The following ESRP1 variants were observed in gnomAD, a reference collection of about 807,000 sequenced individuals.
ESRP1 encodes epithelial splicing regulatory protein 1.
ESRP1 carries 33 observed loss-of-function variants against 81.7 expected under a neutral mutation model. The ratio of observed to expected loss-of-function variants is 0.40; its 90% CI spans 0.31 to 0.54. ESRP1 has a LOEUF of 0.54. ESRP1 is among the 20% of genes least tolerant of loss of function. The probability of loss-of-function intolerance (pLI) is 0.41; values close to 1 mark genes in which losing one functional copy is unlikely to be tolerated. For missense variants in ESRP1, 672 were observed against 833.1 expected, an observed-to-expected ratio of 0.81 and a Z score of 2.38; for synonymous variants, 320 against 303.3, an observed-to-expected ratio of 1.06 and a Z score of -0.57.
At chr8:94,643,446 G>C in intron 3 of ESRP1, 30 bp downstream of exon 3, 2 of 1,511,024 alleles carry the variant, frequency 1.3e-6, no homozygotes. Context: ...GGAAAAAAAT[G>C]GTTGGAGCTT....
At chr8:94,697,001 A>G in intron 15 of ESRP1, 40 bp downstream of exon 15, 2 of 1,360,792 alleles carry the variant, frequency 1.5e-6, no homozygotes, top group Middle Eastern at 1.8e-4. Flanking sequence ...ATAAAGGGCC[A>G]AACAGAGATC....
At chr8:94,691,918 G>A (rs1809417060) in intron 13 of ESRP1, among the ~76,000 whole-genome samples, 1 of 152,028 alleles carries the variant, frequency 6.6e-6, no homozygotes, top group African/African-American at 2.4e-5. Context: ...CACCAATTGA[G>A]GTAGAAAACA....
At chr8:94,655,830 G>T (rs1818381595) in intron 4 of ESRP1, 1 of 152,184 alleles carries the variant, frequency 6.6e-6, no homozygotes, top group Admixed American at 6.5e-5. Flanking sequence ...AGCGGAGGTT[G>T]CAGTAAGCCG....
At chr8:94,694,839 C>T (rs1196699464) in intron 14 of ESRP1, among the ~76,000 whole-genome samples, 2 of 152,172 alleles carry the variant, frequency 1.3e-5, no homozygotes, top group East Asian at 3.8e-4. Context: ...CATCTCAAGG[C>T]ATTTGGCCTT....
intron 1 of ESRP1, 90 bp from the exon 2 acceptor site, chr8:94,641,866 G>T (rs1004058203): frequency 6.1e-5 from 95 of 1,550,316 alleles, no homozygotes; most frequent in Non-Finnish European, 7.8e-5. Flanking sequence ...AGAGAGGCGC[G>T]GGCCGCCCCA....
chr8:94,681,172 A>G (rs1808861541), intron 13 of ESRP1, among the ~76,000 whole-genome samples: 1 of 151,716 alleles, frequency 6.6e-6, no homozygotes, highest in African/African-American at 2.4e-5. Flanking sequence ...AAAAAATACA[A>G]AAAATTAGCC....
intron 2 of ESRP1, among the ~76,000 whole-genome samples, 191 bp downstream of exon 2, chr8:94,642,275 C>T (rs1817641191): frequency 6.6e-6 from 1 of 152,382 alleles, no homozygotes; most frequent in African/African-American, 2.4e-5. Flanking sequence ...TCTTCATCTC[C>T]CAGCCCCCAG....
At chr8:94,658,787 G>C (rs1347315226) in intron 4 of ESRP1, among the ~76,000 whole-genome samples, 7 of 152,124 alleles carry the variant, frequency 4.6e-5, no homozygotes, top group African/African-American at 1.4e-4. Flanking sequence ...GTCAATAACC[G>C]TTTGCTATAA....
Position 94,653,996 on chromosome 8 carries a change from A to T in ESRP1, c.490+7714A>T, listed in dbSNP as rs151182253. Among the ~76,000 whole-genome samples, 89 of 152,266 alleles carry T rather than the reference A, an allele frequency of 5.8e-4. 1 individual carries two copies. The highest frequency in any genetic ancestry group is 5.0e-4 in the Non-Finnish European group (34 of 68,018). Reference sequence around the variant, plus strand: ...ATATTCCTTGCCAGCCCTCAGACTGATGTTAATTACGTGTGGTTTGTTTTA... The same window carrying T: ...ATATTCCTTGCCAGCCCTCAGACTGTTGTTAATTACGTGTGGTTTGTTTTA... On this transcript the variant is annotated intron_variant, in intron 4 of 15. Coordinates refer to ENST00000433389, the MANE Select transcript of ESRP1 (RefSeq NM_017697.4).
chr8:94,657,425 A>G (rs912017537), intron 4 of ESRP1, among the ~76,000 whole-genome samples: 2 of 151,902 alleles, frequency 1.3e-5, no homozygotes, highest in Non-Finnish European at 2.9e-5. Flanking sequence ...GTTTTCAGTG[A>G]TGCTAAGGAT....
chr8:94,647,320 A>G (rs1469184796), intron 4 of ESRP1, among the ~76,000 whole-genome samples: 1 of 152,246 alleles, frequency 6.6e-6, no homozygotes, highest in Non-Finnish European at 1.5e-5. Flanking sequence ...GAATTTTGTT[A>G]AAAAGGTTAG....
chr8:94,673,736 C>G (rs1487761716), intron 11 of ESRP1, among the ~76,000 whole-genome samples: 1 of 152,170 alleles, frequency 6.6e-6, no homozygotes, highest in Non-Finnish European at 1.5e-5. Flanking sequence ...ATACAGCTCT[C>G]ACAAATCATC....
At chr8:94,697,778 A>G (rs552541904) in intron 15 of ESRP1, among the ~76,000 whole-genome samples, 2 of 151,616 alleles carry the variant, frequency 1.3e-5, no homozygotes, top group South Asian at 4.2e-4. Flanking sequence ...TTCTTCTTTT[A>G]TGTTTTATTT....
At chr8:94,651,936 T>C (rs1039022535) in intron 4 of ESRP1, among the ~76,000 whole-genome samples, 14 of 151,822 alleles carry the variant, frequency 9.2e-5, no homozygotes, top group African/African-American at 3.1e-4. Flanking sequence ...TTCTGGTTCT[T>C]ATTTTTGGCA....
intron 12 of ESRP1, among the ~76,000 whole-genome samples, chr8:94,676,926 G>A (rs1312210334): frequency 1.3e-5 from 2 of 151,976 alleles, no homozygotes; most frequent in Non-Finnish European, 2.9e-5. Flanking sequence ...GCCAAGGCGG[G>A]CAGATCACCC....
At position 94,705,934 on chromosome 8, in the gene ESRP1, G is replaced by C. The variant is rs528498925; in HGVS notation, c.*45G>C. 3.6e-5 allele frequency: 52 copies of C among 1,456,290 alleles called. No individual in the cohort carries two copies. Among genetic ancestry groups the C allele is most frequent in the Non-Finnish European group, 4.7e-5 (51 of 1,087,214 alleles). The allele number at this position is 1,456,290 out of a possible 1,614,324, so 90.2% of individuals were successfully genotyped here. On this transcript the variant is annotated 3_prime_UTR_variant, in exon 16 of 16. Transcript: ENST00000433389. ...TTTTTTTTTTTTTCAGTGTTTGAAA[G>C]ATGTATGGTGATCTTGAAACCTCCA...
At chr8:94,681,128 A>T (rs1310095640) in intron 13 of ESRP1, among the ~76,000 whole-genome samples, 1 of 151,608 alleles carries the variant, frequency 6.6e-6, no homozygotes, top group Non-Finnish European at 1.5e-5. Flanking sequence ...GATAGAGACC[A>T]TCCTGGCTAA....
At position 94,674,398 on chromosome 8, in the gene ESRP1, G is replaced by A. The variant is rs999647047; in HGVS notation, c.1543G>A (p.Asp515Asn). 1.2e-6 allele frequency: 2 copies of A among 1,613,988 alleles called. No individual in the cohort carries two copies. Among genetic ancestry groups the A allele is most frequent in the Non-Finnish European group, 1.7e-6 (2 of 1,179,882 alleles). Reference sequence around the variant, plus strand: ...GAAGTGTCATAAAAAAAACATGAAGGACAGATATGTTGAAGTCTTTCAGTG... The same window carrying A: ...GAAGTGTCATAAAAAAAACATGAAGAACAGATATGTTGAAGTCTTTCAGTG... The part of the protein sequence containing the change: ...AQKCHKKNMK[D>N]RYVEVFQCSA... The change falls in exon 12 of 16, where the codon GAC becomes AAC. Residue 515 changes from aspartate (D) to asparagine (N), a missense_variant. Physicochemically the swap from Asp to Asn is conservative, Grantham distance 23. Coordinates refer to ENST00000433389, the MANE Select transcript of ESRP1 (RefSeq NM_017697.4).
At chr8:94,646,319 AG>A (rs1817848866) in intron 4 of ESRP1, 37 bp downstream of exon 4, 1 of 1,273,696 alleles carries the variant, frequency 7.9e-7, no homozygotes, top group South Asian at 1.4e-5. Context: ...TCATTTGAAA[AG>A]ATAGTTCCAG....
Sources: allele counts gnomAD v4.1 joint callset (sites outside exome capture counted in the v4.1 genomes callset), GRCh38; gene constraint gnomAD v4.1.1; transcripts MANE v1.5; gene names NCBI Gene and HGNC (gene_info 2026-07-23, HGNC 2026-07-21).